Variants in KCNMA1 observed in about 807,000 individuals in gnomAD.
The protein encoded by KCNMA1 is potassium calcium-activated channel subfamily M alpha 1, also known as Calcium-activated potassium channel subunit alpha-1.
KCNMA1 carries 29 observed loss-of-function variants against 140.0 expected under a neutral mutation model. The ratio of observed to expected loss-of-function variants is 0.21; its 90% CI spans 0.15 to 0.28. The LOEUF is 0.28. KCNMA1 is among the 10% of genes least tolerant of loss of function. KCNMA1 has a pLI of 1.00. For synonymous variants in KCNMA1, 612 were observed against 611.9 expected (o/e 1.00, Z 0.00); for missense variants, 880 against 1,602.2 (o/e 0.55, Z 7.70).
At chr10:77,257,015 A>G (rs2060916956) in intron 2 of KCNMA1, among the ~76,000 whole-genome samples, 1 of 152,136 alleles carries the variant, frequency 6.6e-6, no homozygotes, top group South Asian at 2.1e-4. Context: ...AGGGTGAGTC[A>G]GGAGGATCGC....
intron 1 of KCNMA1, 123 bp downstream of exon 1, chr10:77,637,142 G>A (rs1350057978): frequency 2.7e-5 from 34 of 1,245,756 alleles, no homozygotes; most frequent in Non-Finnish European, 3.6e-5. Context: ...GGAAGGCGGC[G>A]AGGGGAAGGC....
intron 1 of KCNMA1, among the ~76,000 whole-genome samples, chr10:77,614,863 T>C (rs2088738133): frequency 6.6e-6 from 1 of 152,216 alleles, no homozygotes; most frequent in Non-Finnish European, 1.5e-5. Context: ...ATCCTCTTCA[T>C]AACCTGGCCC....
At chr10:77,303,478 T>C (rs1349251831) in intron 2 of KCNMA1, among the ~76,000 whole-genome samples, 4 of 152,220 alleles carry the variant, frequency 2.6e-5, no homozygotes, top group African/African-American at 9.7e-5. Flanking sequence ...GTATACCTGA[T>C]TTTCTAATAC....
intron 3 of KCNMA1, among the ~76,000 whole-genome samples, chr10:77,189,483 C>G (rs192473995): frequency 6.6e-6 from 1 of 152,194 alleles, no homozygotes; most frequent in African/African-American, 2.4e-5. Flanking sequence ...CAGAGAGTAC[C>G]TGCTGAGCAC....
intron 24 of KCNMA1, chr10:76,913,363 A>T: frequency 6.6e-6 from 1 of 152,298 alleles, no homozygotes; most frequent in South Asian, 2.1e-4. Context: ...ACCTGAGTCC[A>T]TTGTGAATCT....
At position 76,945,936 on chromosome 10, in the gene KCNMA1, G is replaced by C. The variant is rs528876379; in HGVS notation, c.2710-971C>G. 4.6e-5 allele frequency among the ~76,000 whole-genome samples: 7 copies of C among 152,242 alleles called. No homozygotes were observed. In the East Asian group the frequency reaches 1.4e-3, roughly 29 times the overall value. Reference sequence around the variant, plus strand: ...CTGGGAAGGGAAATAGGATTCGTGGGGGTGAGGGGAAAGTTTGCTTTTCAC... The same window carrying C: ...CTGGGAAGGGAAATAGGATTCGTGGCGGTGAGGGGAAAGTTTGCTTTTCAC... On this transcript the variant is annotated intron_variant, in intron 22 of 27. Transcript: ENST00000286628.
At chr10:77,212,091 A>G (rs2046271830) in intron 3 of KCNMA1, among the ~76,000 whole-genome samples, 1 of 152,206 alleles carries the variant, frequency 6.6e-6, no homozygotes, top group Admixed American at 6.5e-5. Context: ...CAATCCCACT[A>G]CTGGGTATAT....
At chr10:76,908,087 G>A (rs2048525071) in intron 25 of KCNMA1, among the ~76,000 whole-genome samples, 1 of 152,168 alleles carries the variant, frequency 6.6e-6, no homozygotes, top group Non-Finnish European at 1.5e-5. Context: ...TGAGATCTCT[G>A]TAATTAGGAT....
At chr10:77,441,058 C>T (rs770781266) in intron 1 of KCNMA1, among the ~76,000 whole-genome samples, 1 of 151,932 alleles carries the variant, frequency 6.6e-6, no homozygotes, top group Admixed American at 6.6e-5. Context: ...CTCCTGACCT[C>T]GTGATCCACC....
intron 3 of KCNMA1, among the ~76,000 whole-genome samples, chr10:77,220,315 T>C (rs965388918): frequency 3.9e-5 from 6 of 152,164 alleles, no homozygotes; most frequent in African/African-American, 1.4e-4. Context: ...AGGCTGGAGT[T>C]TGAGTCTACT....
chr10:77,163,286 G>A (rs1450526255), intron 5 of KCNMA1, among the ~76,000 whole-genome samples: 1 of 152,140 alleles, frequency 6.6e-6, no homozygotes, highest in Non-Finnish European at 1.5e-5. Context: ...ATTTTATTGG[G>A]ACACAGCTAT....
intron 5 of KCNMA1, among the ~76,000 whole-genome samples, chr10:77,173,714 C>T (rs747742336): frequency 6.6e-6 from 1 of 152,094 alleles, no homozygotes; most frequent in Non-Finnish European, 1.5e-5. Flanking sequence ...AGACTACAGA[C>T]AGCAGTTTAC....
chr10:77,496,224 C>G (rs2041866031), intron 1 of KCNMA1, among the ~76,000 whole-genome samples: 1 of 152,146 alleles, frequency 6.6e-6, no homozygotes, highest in Non-Finnish European at 1.5e-5. Flanking sequence ...TCACCCTCCT[C>G]ACCAGGTGCG....
chr10:77,406,103 C>T (rs2096463515), intron 1 of KCNMA1, among the ~76,000 whole-genome samples: 1 of 152,202 alleles, frequency 6.6e-6, no homozygotes, highest in African/African-American at 2.4e-5. Flanking sequence ...TATCTGGGGG[C>T]TGCCTGCTGA....
chr10:77,439,735 C>G (rs2097354678), intron 1 of KCNMA1, among the ~76,000 whole-genome samples: 1 of 152,206 alleles, frequency 6.6e-6, no homozygotes, highest in Non-Finnish European at 1.5e-5. Flanking sequence ...TTTATTCTCA[C>G]TCTGTGGCCC....
At chr10:77,064,129 CAT>C in intron 14 of KCNMA1, 1 of 984,948 alleles carries the variant, frequency 1.0e-6, no homozygotes, top group Middle Eastern at 5.2e-4. Flanking sequence ...TAAAAGAATC[CAT>C]ATGTGATTAC....
chr10:76,985,679 A>G (rs1391250372), intron 19 of KCNMA1, among the ~76,000 whole-genome samples: 1 of 152,228 alleles, frequency 6.6e-6, no homozygotes, highest in East Asian at 1.9e-4. Flanking sequence ...AAAGGAACAC[A>G]ATAAAAAGCA....
chr10:77,152,597 G>T (rs1159034040), intron 5 of KCNMA1, among the ~76,000 whole-genome samples: 1 of 152,128 alleles, frequency 6.6e-6, no homozygotes, highest in Non-Finnish European at 1.5e-5. Flanking sequence ...CGACCAAGGG[G>T]TGAGGGGGCT....
intron 1 of KCNMA1, among the ~76,000 whole-genome samples, chr10:77,608,475 G>A (rs778093728): frequency 6.6e-6 from 1 of 152,156 alleles, no homozygotes; most frequent in Non-Finnish European, 1.5e-5. Context: ...TGCCGGGCCT[G>A]TAGGTCTCAT....
Sources: gnomAD v4.1 joint callset for allele counts (sites outside exome capture counted in the v4.1 genomes callset) on GRCh38, gnomAD v4.1.1 for gene constraint, MANE v1.5 for transcripts, NCBI Gene and HGNC (gene_info 2026-07-23, HGNC 2026-07-21) for gene names.